RRP1: variants seen among roughly 807,000 people sequenced by gnomAD.
RRP1 encodes the protein ribosomal RNA processing protein 1 homolog A.
Under a neutral mutation model 54.6 loss-of-function variants are expected in RRP1, and 37 were observed. That is an observed-to-expected ratio of 0.68 (90% CI 0.52 to 0.89). RRP1 has a LOEUF of 0.89. RRP1 is among the 40% of genes least tolerant of loss of function. The probability of loss-of-function intolerance (pLI) is 0.00; values close to 1 mark genes in which losing one functional copy is unlikely to be tolerated. For missense variants in RRP1, 639 were observed against 612.5 expected, an observed-to-expected ratio of 1.04 and a Z score of -0.46; for synonymous variants, 262 against 244.3, an observed-to-expected ratio of 1.07 and a Z score of -0.67.
chr21:43,801,076 CT>C (rs1267963036), intron 11 of RRP1, among the ~76,000 whole-genome samples, 195 bp downstream of exon 11: 1 of 152,162 alleles, frequency 6.6e-6, no homozygotes, highest in Non-Finnish European at 1.5e-5. Flanking sequence ...CTGAGTGGTT[CT>C]CAGACTTGAG....
intron 4 of RRP1, among the ~76,000 whole-genome samples, chr21:43,794,322 A>G (rs561029235): frequency 6.6e-6 from 1 of 152,244 alleles, no homozygotes; most frequent in South Asian, 2.1e-4. Context: ...AGGCCACCCT[A>G]CTGTTTTGCT....
At position 43,800,593 on chromosome 21, in the gene RRP1, G is replaced by A. The variant is rs200154081; in HGVS notation, c.968G>A (p.Arg323His). ...RQSTPSQNRK[R>H]LYKVIRKLQD... ...AGCACCCCTTCTCAGAACAGAAAGC[G>A]TCTCTACAAAGTGATCCGGAAGTGA... is the stretch of plus-strand genomic sequence containing the variant. Residue 323 changes from arginine to histidine, a missense_variant, in exon 10 of 13, where the codon CGT becomes CAT. Transcript: ENST00000497547. The A allele has an allele frequency of 1.9e-3, 3,063 of 1,614,226 alleles. 5 individuals carry two copies. The highest frequency in any genetic ancestry group is 2.3e-3 in the Non-Finnish European group (2,723 of 1,180,030).
intron 5 of RRP1, among the ~76,000 whole-genome samples, chr21:43,795,982 G>T (rs1405883836): frequency 6.6e-6 from 1 of 152,180 alleles, no homozygotes; most frequent in Non-Finnish European, 1.5e-5. Flanking sequence ...TCTACTAAAA[G>T]TACAAAAATT....
rs1449069872 is a variant in RRP1, at chr21:43,800,914, AC to A, written c.1009+35del. 3.7e-6 allele frequency: 6 copies of A among 1,612,376 alleles called. No homozygotes were observed. The East Asian group carries it at 1.3e-4, about 36-fold the overall frequency. On this transcript the variant is annotated intron_variant, in intron 11 of 12. Coordinates refer to ENST00000497547, the MANE Select transcript of RRP1 (RefSeq NM_003683.6). ...TCGGCCGGGCACTGACAGTGGCACC[AC>A]CTTGGAGGTGGAGCTCCATCCTCGT...
At chr21:43,803,249 C>T (rs982625679) in intron 12 of RRP1, among the ~76,000 whole-genome samples, 1 of 152,234 alleles carries the variant, frequency 6.6e-6, no homozygotes, top group Admixed American at 6.5e-5. Context: ...TGAGCCCAGT[C>T]CTGCCTACTC....
chr21:43,789,877 G>C, intron 1 of RRP1, 115 bp downstream of exon 1: 10 of 1,267,142 alleles, frequency 7.9e-6, no homozygotes, highest in Non-Finnish European at 1.0e-5. Flanking sequence ...CCACGTGGCC[G>C]GGCCGGGCAG....
intron 3 of RRP1, 185 bp downstream of exon 3, chr21:43,792,914 G>A (rs993755518): frequency 1.6e-6 from 1 of 621,390 alleles, no homozygotes; most frequent in Non-Finnish European, 2.8e-6. Context: ...TATTCAACAT[G>A]GATTAGCTCA....
At chr21:43,790,886 T>A (rs892634269) in intron 1 of RRP1, 10 of 428,634 alleles carry the variant, frequency 2.3e-5, no homozygotes, top group South Asian at 1.6e-4. Context: ...CCACCGCACC[T>A]GGCCTCAGTA....
At chr21:43,799,980 C>T (rs955943047) in intron 9 of RRP1, among the ~76,000 whole-genome samples, 3 of 152,244 alleles carry the variant, frequency 2.0e-5, no homozygotes, top group Non-Finnish European at 4.4e-5. Flanking sequence ...TTTCCTGCGG[C>T]CCCCTCGTTG....
intron 11 of RRP1, 154 bp from the exon 12 acceptor site, chr21:43,802,120 G>T: frequency 1.6e-6 from 1 of 608,402 alleles, no homozygotes; most frequent in South Asian, 1.9e-5. Flanking sequence ...GCTGTGGCGG[G>T]TACTGAACAC....
At chr21:43,801,758 T>A (rs78938098) in intron 11 of RRP1, among the ~76,000 whole-genome samples, 29 of 152,324 alleles carry the variant, frequency 1.9e-4, no homozygotes, top group Admixed American at 1.5e-3. Context: ...CAGGTTTTGA[T>A]GCAGAAAGTT....
rs73224973 is a variant in RRP1, at chr21:43,804,801, T to G, written c.*1027T>G. On this transcript the variant is annotated 3_prime_UTR_variant, in exon 13 of 13. Coordinates refer to ENST00000497547, the MANE Select transcript of RRP1 (RefSeq NM_003683.6). The surrounding 1 kb of genome is among the most constrained non-coding windows in gnomAD (Gnocchi z 4.3). Reference sequence around the variant, plus strand: ...GTGCAGACCCTGGACTGCATCCGGTTCCCCAAAGCCCTGCTGCATTCGAGT... The same window carrying G: ...GTGCAGACCCTGGACTGCATCCGGTGCCCCAAAGCCCTGCTGCATTCGAGT... The G allele has an allele frequency of 1.3e-5, 2 of 152,224 alleles. No homozygotes were observed. Among genetic ancestry groups the G allele is most frequent in the Non-Finnish European group, 2.9e-5 (2 of 68,150 alleles). 9.4% of individuals were successfully genotyped at this position (152,224 alleles called of 1,614,324 possible). A position where few individuals can be genotyped will look rare whatever the true frequency, so the allele number is the denominator to read the frequency against.
Position 43,795,357 on chromosome 21 carries a change from G to A in RRP1, c.422+107G>A, listed in dbSNP as rs1040592401. 1.1e-4 allele frequency: 118 copies of A among 1,030,796 alleles called. 1 individual carries two copies. The highest frequency in any genetic ancestry group is 1.6e-4 in the Non-Finnish European group (106 of 657,988). 63.9% of individuals were successfully genotyped at this position (1,030,796 alleles called of 1,614,324 possible). Reference sequence around the variant, plus strand: ...AGGAGATGTCAGCCTTTATATTAACGCATGCCCCCAATCGTGCTTAGAGAG... The same window carrying A: ...AGGAGATGTCAGCCTTTATATTAACACATGCCCCCAATCGTGCTTAGAGAG... On this transcript the variant is annotated intron_variant, in intron 5 of 12. Coordinates refer to ENST00000497547, the MANE Select transcript of RRP1 (RefSeq NM_003683.6).
intron 11 of RRP1, among the ~76,000 whole-genome samples, chr21:43,801,680 C>A (rs1051101632): frequency 6.6e-6 from 1 of 152,122 alleles, no homozygotes; most frequent in African/African-American, 2.4e-5. Flanking sequence ...CTGTGTTGCC[C>A]GGCTGGTCGT....
intron 4 of RRP1, among the ~76,000 whole-genome samples, chr21:43,794,593 G>A (rs779961953): frequency 3.3e-5 from 5 of 152,200 alleles, no homozygotes; most frequent in Admixed American, 6.5e-5. Context: ...ACCCCACTCT[G>A]GGCGTGTGGG....
chr21:43,803,416 AGGTCTGT>A, intron 12 of RRP1, 89 bp from the exon 13 acceptor site: 2 of 1,439,362 alleles, frequency 1.4e-6, no homozygotes, highest in Non-Finnish European at 1.8e-6. Context: ...TTGTCCTCCC[AGGTCTGT>A]GGTGCTGGCA....
intron 4 of RRP1, among the ~76,000 whole-genome samples, chr21:43,794,832 G>T (rs1304043611): frequency 6.6e-6 from 1 of 152,234 alleles, no homozygotes; most frequent in Non-Finnish European, 1.5e-5. Context: ...GGGGGTAGCC[G>T]TGCCTCTTTC....
intron 4 of RRP1, 97 bp from the exon 5 acceptor site, chr21:43,795,092 T>A (rs1474444681): frequency 9.1e-6 from 11 of 1,203,032 alleles, no homozygotes; most frequent in Non-Finnish European, 1.2e-5. Flanking sequence ...ACCACGGCCA[T>A]GACTTTATCC....
chr21:43,789,991 C>T (rs758088840), intron 1 of RRP1, among the ~76,000 whole-genome samples: 10 of 152,230 alleles, frequency 6.6e-5, no homozygotes, highest in Non-Finnish European at 1.5e-4. Context: ...ACGCTCCTCC[C>T]CAGCCCCGTA....
Sources: allele counts gnomAD v4.1 joint callset (sites outside exome capture counted in the v4.1 genomes callset), GRCh38; gene constraint gnomAD v4.1.1; non-coding constraint Gnocchi (gnomAD v3.1); transcripts MANE v1.5; gene names NCBI Gene and HGNC (gene_info 2026-07-23, HGNC 2026-07-21).